The following ATP8A2 variants were observed in gnomAD, a reference collection of about 807,000 sequenced individuals.
ATP8A2 encodes ATPase phospholipid transporting 8A2.
Under a neutral mutation model 165.6 loss-of-function variants are expected in ATP8A2, and 100 were observed. That is an observed-to-expected ratio of 0.60 (90% CI 0.51 to 0.71). The LOEUF is 0.71. ATP8A2 is among the 30% of genes least tolerant of loss of function. ATP8A2 has a pLI of 0.00. For missense variants in ATP8A2, 1,227 were observed against 1,479.5 expected, an observed-to-expected ratio of 0.83 and a Z score of 2.80; for synonymous variants, 543 against 548.8, an observed-to-expected ratio of 0.99 and a Z score of 0.15.
intron 1 of ATP8A2, among the ~76,000 whole-genome samples, chr13:25,433,465 G>A (rs892020335): frequency 6.6e-5 from 10 of 152,008 alleles, no homozygotes; most frequent in Non-Finnish European, 2.9e-5. Flanking sequence ...TAGAGACGGG[G>A]GTCTTGCTTT....
At chr13:25,584,743 T>C (rs192640687) in intron 23 of ATP8A2, among the ~76,000 whole-genome samples, 42 of 152,326 alleles carry the variant, frequency 2.8e-4, no homozygotes, top group Admixed American at 2.2e-3. Context: ...AAAAATGCTT[T>C]CTGAAATTTG....
In ATP8A2 at chr13:25,899,960, G is replaced by A. The variant is rs549286812; in HGVS notation, c.3183+37552G>A. Among the ~76,000 whole-genome samples the A allele has an allele frequency of 4.6e-5, 7 of 152,240 alleles. No individual in the cohort carries two copies. The East Asian group carries it at 1.2e-3, about 25-fold the overall frequency. On this transcript the variant is annotated intron_variant, in intron 33 of 36. Transcript: ENST00000381655. Reference sequence around the variant, plus strand: ...ATGGGGACTTGGAGTTGGGAGTCAGGTGGACATGAGGCACACAGCTGTGTT... The same window carrying A: ...ATGGGGACTTGGAGTTGGGAGTCAGATGGACATGAGGCACACAGCTGTGTT...
chr13:25,665,069 C>T (rs2042123730), intron 24 of ATP8A2, among the ~76,000 whole-genome samples: 1 of 151,758 alleles, frequency 6.6e-6, no homozygotes, highest in Non-Finnish European at 1.5e-5. Context: ...ATGTACAAGG[C>T]AGCAGAAGCA....
intron 24 of ATP8A2, among the ~76,000 whole-genome samples, chr13:25,661,710 T>C (rs2042055147): frequency 6.6e-6 from 1 of 152,216 alleles, no homozygotes; most frequent in South Asian, 2.1e-4. Flanking sequence ...TAGTGTGACC[T>C]ACCCAGAGTA....
chr13:25,464,551 A>G (rs2035586068), intron 1 of ATP8A2, among the ~76,000 whole-genome samples: 2 of 152,142 alleles, frequency 1.3e-5, no homozygotes, highest in South Asian at 4.1e-4. Context: ...TAGGTCAGCC[A>G]TATGCAGAAA....
chr13:25,519,385 A>G (rs923340501), intron 2 of ATP8A2, among the ~76,000 whole-genome samples: 2 of 150,464 alleles, frequency 1.3e-5, no homozygotes, highest in Non-Finnish European at 2.9e-5. Context: ...TTTTTTTTTT[A>G]ATCTCGTTTC....
intron 2 of ATP8A2, among the ~76,000 whole-genome samples, chr13:25,517,415 A>G (rs541288632): frequency 6.6e-6 from 1 of 152,286 alleles, no homozygotes; most frequent in Non-Finnish European, 1.5e-5. Flanking sequence ...TTCTCAGCTC[A>G]TGTTTCCATG....
At chr13:25,545,854 T>C (rs1242252763) in intron 10 of ATP8A2, among the ~76,000 whole-genome samples, 1 of 152,192 alleles carries the variant, frequency 6.6e-6, no homozygotes, top group Non-Finnish European at 1.5e-5. Context: ...AGGCTGGTCT[T>C]GAACTTCTGA....
chr13:25,632,197 C>G (rs967970342), intron 24 of ATP8A2, among the ~76,000 whole-genome samples: 11 of 152,158 alleles, frequency 7.2e-5, no homozygotes, highest in African/African-American at 2.7e-4. Context: ...CCTCAGGAAC[C>G]TGCATGTGTT....
intron 36 of ATP8A2, 52 bp from the exon 37 acceptor site, chr13:26,019,836 T>C: frequency 7.6e-7 from 1 of 1,324,224 alleles, no homozygotes; most frequent in Non-Finnish European, 1.1e-6. Flanking sequence ...AAACCTAGTG[T>C]GCTCCCCCAA....
intron 27 of ATP8A2, among the ~76,000 whole-genome samples, chr13:25,785,989 C>T (rs1463848623): frequency 6.6e-6 from 1 of 152,196 alleles, no homozygotes; most frequent in African/African-American, 2.4e-5. Flanking sequence ...AGCTGGTCAG[C>T]CTTAGGTGTG....
chr13:25,535,657 A>G (rs1345996277), intron 6 of ATP8A2, among the ~76,000 whole-genome samples: 1 of 152,084 alleles, frequency 6.6e-6, no homozygotes, highest in Non-Finnish European at 1.5e-5. Flanking sequence ...CTACAAAAAA[A>G]TACAGAAATC....
At chr13:25,478,855 C>CTTTTTTTTTTTTTTTT (rs5802337) in intron 2 of ATP8A2, among the ~76,000 whole-genome samples, 1 of 149,250 alleles carries the variant, frequency 6.7e-6, no homozygotes, top group Non-Finnish European at 1.5e-5. Context: ...ATTTGTAACA[C>CTTTTTTTTTTTTTTTT]TTTTTTTTTT....
At chr13:25,748,861 CT>C (rs1366451000) in intron 25 of ATP8A2, among the ~76,000 whole-genome samples, 1 of 152,108 alleles carries the variant, frequency 6.6e-6, no homozygotes, top group Non-Finnish European at 1.5e-5. Context: ...GTTTTTTCTC[CT>C]TTTTATTTTA....
intron 33 of ATP8A2, among the ~76,000 whole-genome samples, chr13:25,952,895 GAGA>G (rs1955408821): frequency 1.3e-5 from 2 of 152,178 alleles, no homozygotes; most frequent in African/African-American, 4.8e-5. Context: ...ATAGTAAAAA[GAGA>G]AGGAGATTTA....
intron 1 of ATP8A2, chr13:25,468,752 C>T (rs1203172889): frequency 3.5e-6 from 3 of 846,824 alleles, no homozygotes; most frequent in Non-Finnish European, 4.3e-6. Context: ...CGCCAGGGGC[C>T]GCGCGGGGCG....
rs576477648 is a variant in ATP8A2 at position 25,767,441 on chromosome 13, C to A, written c.2385-1605C>A. 1.4e-4 allele frequency among the ~76,000 whole-genome samples: 21 copies of A among 152,262 alleles called. No homozygotes were observed. In the South Asian group the frequency reaches 3.9e-3, roughly 29 times the overall value. ...GCTATCTTTTAAGTTCTGAAGCATG[C>A]CTATTAAATAATGGTTGAAGAACCT... On this transcript the variant is annotated intron_variant, in intron 25 of 36. Transcript: ENST00000381655.
Position 25,778,634 on chromosome 13 carries a change from G to A in ATP8A2, c.2679+3675G>A, listed in dbSNP as rs1005626175. Among the ~76,000 whole-genome samples, 4 of 152,146 alleles carry A rather than the reference G, an allele frequency of 2.6e-5. No homozygotes were observed. In the East Asian group the frequency reaches 7.7e-4, roughly 29 times the overall value. On this transcript the variant is annotated intron_variant, in intron 27 of 36. Coordinates refer to ENST00000381655, the MANE Select transcript of ATP8A2 (RefSeq NM_016529.6). ...AATTCCAGTGTCTGGCACAATGTCTGGAATGGAGGTGCTTGAAAATGCTGG... is the reference window on the plus strand; with the variant it reads ...AATTCCAGTGTCTGGCACAATGTCTAGAATGGAGGTGCTTGAAAATGCTGG...
intron 11 of ATP8A2, among the ~76,000 whole-genome samples, chr13:25,552,367 G>A (rs2038851509): frequency 6.6e-6 from 1 of 152,068 alleles, no homozygotes; most frequent in Non-Finnish European, 1.5e-5. Context: ...AACAGCTGGT[G>A]TCATTTCTTT....
Sources: gnomAD v4.1 joint callset for allele counts (sites outside exome capture counted in the v4.1 genomes callset) on GRCh38, gnomAD v4.1.1 for gene constraint, MANE v1.5 for transcripts, NCBI Gene and HGNC (gene_info 2026-07-23, HGNC 2026-07-21) for gene names.